ABHD2: variants seen among roughly 807,000 people sequenced by gnomAD.
ABHD2 encodes the protein monoacylglycerol lipase ABHD2.
In ABHD2, 20 loss-of-function variants were observed where a neutral mutation model predicts 48.1. That is an observed-to-expected ratio of 0.42 (90% CI 0.29 to 0.60). The LOEUF (loss-of-function observed/expected upper bound fraction) is 0.60, where lower values mean the gene tolerates loss of function less well. Ranked by LOEUF, ABHD2 falls within the 20% of genes least tolerant of loss-of-function variation. The pLI is 0.24. For missense variants in ABHD2, 405 were observed against 550.9 expected (o/e 0.74, Z 2.65); for synonymous variants, 209 against 214.2 (o/e 0.98, Z 0.21).
chr15:89,070,802 C>A, the ABHD2 span, among the ~76,000 whole-genome samples: 1 of 152,116 alleles, frequency 6.6e-6, no homozygotes, highest in Non-Finnish European at 1.5e-5. Flanking sequence ...GGGCTGACAT[C>A]ATAAGGGGCC....
rs977136693 is a variant in ABHD2, at chr15:89,182,609, C to G, written c.723-2815C>G. 1.3e-5 allele frequency among the ~76,000 whole-genome samples: 2 copies of G among 152,044 alleles called. No individual in the cohort carries two copies. Among genetic ancestry groups the G allele is most frequent in the South Asian group, 2.1e-4 (1 of 4,820 alleles). Reference sequence around the variant, plus strand: ...TTCTAGACCACCCTGGCCAACATGACGAAACCCCGTATTCTACTAAAAAAA... The same window carrying G: ...TTCTAGACCACCCTGGCCAACATGAGGAAACCCCGTATTCTACTAAAAAAA... On this transcript the variant is annotated intron_variant, in intron 6 of 10. Coordinates refer to ENST00000352732, the MANE Select transcript of ABHD2 (RefSeq NM_152924.5). This position sits in a 1 kb window ranked among gnomAD's most constrained non-coding sequence, Gnocchi z 4.8.
In ABHD2 at chr15:89,195,579, G is replaced by C. The variant is rs1281690045; in HGVS notation, c.*156G>C. The C allele has an allele frequency of 1.4e-6, 1 of 732,944 alleles. No homozygotes were observed. The highest frequency in any genetic ancestry group is 2.1e-5 in the South Asian group (1 of 48,174). The allele number at this position is 732,944 out of a possible 1,614,324, so 45.4% of individuals were successfully genotyped here. On this transcript the variant is annotated 3_prime_UTR_variant, in exon 11 of 11. Transcript: ENST00000352732. This position sits in a 1 kb window ranked among gnomAD's most constrained non-coding sequence, Gnocchi z 5.1. The stretch of plus-strand genomic sequence containing the variant: ...ATGCACACCTGTCTCGGAGTAGGCA[G>C]CTCTTCCTGGGAGCTCCAGGCTATT...
At position 89,113,775 on chromosome 15, in the gene ABHD2, A is replaced by C. The variant is rs577249906; in HGVS notation, c.-56A>C. ...TCTGACCTGACCGGCCCAACTGTACAACTCTTCAAGGAAAATTCGTATTTG... is the reference window on the plus strand; with the variant it reads ...TCTGACCTGACCGGCCCAACTGTACCACTCTTCAAGGAAAATTCGTATTTG... On this transcript the variant is annotated 5_prime_UTR_variant, in exon 2 of 11. Transcript: ENST00000352732. The C allele has an allele frequency of 6.6e-6, 1 of 152,352 alleles. No individual in the cohort carries two copies. Among genetic ancestry groups the C allele is most frequent in the African/African-American group, 2.4e-5 (1 of 41,580 alleles). 9.4% of individuals were successfully genotyped at this position (152,352 alleles called of 1,614,324 possible).
At chr15:89,132,366 GC>G (rs1158114429) in intron 3 of ABHD2, among the ~76,000 whole-genome samples, 1 of 152,114 alleles carries the variant, frequency 6.6e-6, no homozygotes. Flanking sequence ...CTTAACTATA[GC>G]TAATAAACAG....
intron 5 of ABHD2, among the ~76,000 whole-genome samples, chr15:89,161,547 C>T (rs2050762053): frequency 6.6e-6 from 1 of 152,234 alleles, no homozygotes; most frequent in East Asian, 1.9e-4. Context: ...ATTATAAGCA[C>T]CCGCCACCAC....
At position 89,188,317 on chromosome 15, in the gene ABHD2, G is replaced by A. The variant is rs184752726; in HGVS notation, c.926+14G>A. ...CAATGTGATGAGGTGTGTCCGCGCAGGCGGGAGAGGGACGCTCTGGGGCAG... is the reference window on the plus strand; with the variant it reads ...CAATGTGATGAGGTGTGTCCGCGCAAGCGGGAGAGGGACGCTCTGGGGCAG... On this transcript the variant is annotated intron_variant, in intron 8 of 10. Coordinates refer to ENST00000352732, the MANE Select transcript of ABHD2 (RefSeq NM_152924.5). This position sits in a 1 kb window ranked among gnomAD's most constrained non-coding sequence, Gnocchi z 4.1. The A allele has an allele frequency of 3.8e-5, 61 of 1,612,394 alleles. No individual in the cohort carries two copies. The East Asian group carries it at 1.4e-3, about 36-fold the overall frequency.
At position 89,100,595 on chromosome 15, in the gene ABHD2, C is replaced by CA. The variant is rs1243631131; in HGVS notation, c.-107+12035dup. Reference sequence around the variant, plus strand: ...TTAAAAAGGAACCTTATTGGCCAGGCAAAGTGGCTCACGCCTGTAATCCCA... The same window carrying CA: ...TTAAAAAGGAACCTTATTGGCCAGGCAAAAGTGGCTCACGCCTGTAATCCCA... On this transcript the variant is annotated intron_variant, in intron 1 of 10. Coordinates refer to ENST00000352732, the MANE Select transcript of ABHD2 (RefSeq NM_152924.5). This position sits in a 1 kb window ranked among gnomAD's most constrained non-coding sequence, Gnocchi z 4.4. 1.3e-5 allele frequency among the ~76,000 whole-genome samples: 2 copies of CA among 152,154 alleles called. No individual in the cohort carries two copies. The highest frequency in any genetic ancestry group is 4.8e-5 in the African/African-American group (2 of 41,416).
chr15:89,191,135 C>A lies in ABHD2; in HGVS notation c.982C>A (p.Arg328=), dbSNP rs762813350. The A allele has an allele frequency of 2.5e-6, 4 of 1,613,846 alleles. No individual in the cohort carries two copies. The Admixed American group carries it at 5.0e-5, about 20-fold the overall frequency. ...KEYYEEESCM[R]YLHRIYVPLM... ...ATACTATGAGGAAGAAAGTTGCATGCGGTACCTGCACAGGGTGAGTGGCCA... is the reference window on the plus strand; with the variant it reads ...ATACTATGAGGAAGAAAGTTGCATGAGGTACCTGCACAGGGTGAGTGGCCA... The change falls in exon 9 of 11, where the codon CGG becomes AGG. Residue 328 remains arginine (R), a synonymous_variant. Coordinates refer to ENST00000352732, the MANE Select transcript of ABHD2 (RefSeq NM_152924.5).
chr15:89,090,166 C>T (rs1188878031), intron 1 of ABHD2: 1 of 152,182 alleles, frequency 6.6e-6, no homozygotes, highest in Non-Finnish European at 1.5e-5. Flanking sequence ...GTTAGGAGGA[C>T]AGATTTTGGT....
intron 1 of ABHD2, among the ~76,000 whole-genome samples, chr15:89,109,489 C>T (rs1159021637): frequency 3.3e-5 from 5 of 151,934 alleles, no homozygotes; most frequent in Non-Finnish European, 7.4e-5. Context: ...GGAGACGCTT[C>T]CTTTCCATCT....
chr15:89,201,632 G>C lies in ABHD2; in HGVS notation c.*6209G>C, dbSNP rs576923853. 13 of 1,597,648 alleles carry C rather than the reference G, an allele frequency of 8.1e-6. No homozygotes were observed. The East Asian group carries it at 2.9e-4, about 36-fold the overall frequency. On this transcript the variant is annotated 3_prime_UTR_variant, in exon 11 of 11. Transcript: ENST00000352732. Reference sequence around the variant, plus strand: ...CACTGTTGGGCCTCACACAGTACCGGTGAGGCACGGTAGTCTTCACTTTGA... The same window carrying C: ...CACTGTTGGGCCTCACACAGTACCGCTGAGGCACGGTAGTCTTCACTTTGA...
chr15:89,155,905 A>G lies in ABHD2; in HGVS notation c.538+371A>G, dbSNP rs1165758345. Among the ~76,000 whole-genome samples, 3 of 152,146 alleles carry G rather than the reference A, an allele frequency of 2.0e-5. No individual in the cohort carries two copies. Among genetic ancestry groups the G allele is most frequent in the Admixed American group, 6.5e-5 (1 of 15,282 alleles). On this transcript the variant is annotated intron_variant, in intron 5 of 10. Transcript: ENST00000352732. The surrounding 1 kb of genome is among the most constrained non-coding windows in gnomAD (Gnocchi z 4.9). ...TCGTTCCTCAGGACTCTTGTGACTGACAGGCAAGGGTGTGATGAGGCATGT... is the reference window on the plus strand; with the variant it reads ...TCGTTCCTCAGGACTCTTGTGACTGGCAGGCAAGGGTGTGATGAGGCATGT...
At chr15:89,054,812 A>G in the ABHD2 span, among the ~76,000 whole-genome samples, 172 of 152,314 alleles carry the variant, frequency 1.1e-3, no homozygotes, top group Non-Finnish European at 2.1e-3. Flanking sequence ...GGGTAATACT[A>G]TATGTACTGT....
rs2050502916 is a variant in ABHD2 at position 89,146,995 on chromosome 15, C to A, written c.195-4682C>A. On this transcript the variant is annotated intron_variant, in intron 3 of 10. Transcript: ENST00000352732. This position sits in a 1 kb window ranked among gnomAD's most constrained non-coding sequence, Gnocchi z 4.2. The stretch of plus-strand genomic sequence containing the variant: ...AAATTTTGAAAAATAACAAAGGCAG[C>A]CTGCGCTATCAACTATCAAAGTATC... 6.6e-6 allele frequency among the ~76,000 whole-genome samples: 1 copy of A among 152,144 alleles called. No individual in the cohort carries two copies. The highest frequency in any genetic ancestry group is 6.5e-5 in the Admixed American group (1 of 15,270).
intron 5 of ABHD2, among the ~76,000 whole-genome samples, chr15:89,157,782 G>T (rs1305556614): frequency 6.6e-6 from 1 of 151,988 alleles, no homozygotes; most frequent in Non-Finnish European, 1.5e-5. Context: ...GGTGGAGCTT[G>T]CAGTGAGCTG....
At chr15:89,049,620 G>T in the ABHD2 span, among the ~76,000 whole-genome samples, 2 of 152,250 alleles carry the variant, frequency 1.3e-5, no homozygotes, top group Non-Finnish European at 2.9e-5. Flanking sequence ...CGTCGGAAAA[G>T]CGCAGTATTC....
the ABHD2 span, among the ~76,000 whole-genome samples, chr15:89,059,446 C>G: frequency 6.6e-6 from 1 of 152,112 alleles, no homozygotes; most frequent in Non-Finnish European, 1.5e-5. Flanking sequence ...CAGATCTGAT[C>G]AAAATTCGTT....
chr15:89,159,439 G>A (rs1208505077), intron 5 of ABHD2, among the ~76,000 whole-genome samples: 1 of 152,166 alleles, frequency 6.6e-6, no homozygotes, highest in Non-Finnish European at 1.5e-5. Flanking sequence ...TGGTGAATGT[G>A]CTGCAGCAGC....
rs1398544002 is a variant in ABHD2 at position 89,176,332 on chromosome 15, A to G, written c.722+337A>G. The stretch of plus-strand genomic sequence containing the variant: ...GTTTTTATAGAAACGTGGATTAATG[A>G]AAGAGCACAGGAGACTGGCAAGCTG... On this transcript the variant is annotated intron_variant, in intron 6 of 10. Transcript: ENST00000352732. The surrounding 1 kb of genome is among the most constrained non-coding windows in gnomAD (Gnocchi z 4.5). Among the ~76,000 whole-genome samples, 1 of 152,148 alleles carries G rather than the reference A, an allele frequency of 6.6e-6. No homozygotes were observed. Among genetic ancestry groups the G allele is most frequent in the African/African-American group, 2.4e-5 (1 of 41,408 alleles).
Sources: allele counts gnomAD v4.1 joint callset (sites outside exome capture counted in the v4.1 genomes callset), GRCh38; gene constraint gnomAD v4.1.1; non-coding constraint Gnocchi (gnomAD v3.1); transcripts MANE v1.5; gene names NCBI Gene and HGNC (gene_info 2026-07-23, HGNC 2026-07-21).